Variants in HOXC5 observed in about 807,000 individuals in gnomAD.
The protein encoded by HOXC5 is homeobox C5, also known as homeobox protein Hox-C5.
A neutral mutation model predicts 20.1 loss-of-function variants in HOXC5; 19 were observed. The ratio of observed to expected loss-of-function variants is 0.94; its 90% CI spans 0.66 to 1.38. The LOEUF (loss-of-function observed/expected upper bound fraction) is 1.38. Among genes scored for constraint, HOXC5 ranks in the 40% most tolerant of loss-of-function variants. The probability of loss-of-function intolerance (pLI) is 0.00; values close to 1 mark genes in which losing one functional copy is unlikely to be tolerated. For synonymous variants in HOXC5, 124 were observed against 117.0 expected, an observed-to-expected ratio of 1.06 and a Z score of -0.39; for missense variants, 330 against 300.1, an observed-to-expected ratio of 1.10 and a Z score of -0.74.
At chr12:54,019,177 A>AC in the HOXC5 span, among the ~76,000 whole-genome samples, 23 of 55,096 alleles carry the variant, frequency 4.2e-4, no homozygotes, top group Admixed American at 3.6e-3. Flanking sequence ...CCCCTCCCCC[A>AC]CCCCCCCACC....
At chr12:54,025,509 T>G in the HOXC5 span, among the ~76,000 whole-genome samples, 13 of 124,192 alleles carry the variant, frequency 1.0e-4, no homozygotes, top group Non-Finnish European at 2.2e-4. Context: ...TCTTCTTTCC[T>G]CAGGAATGAA....
chr12:54,029,792 C>T (rs139697680), upstream of HOXC5: 63 of 1,613,966 alleles, frequency 3.9e-5, no homozygotes, highest in Non-Finnish European at 4.8e-5. Flanking sequence ...CGCGCTTTGC[C>T]TGACCGAGCG....
At chr12:54,025,136 G>C in the HOXC5 span, among the ~76,000 whole-genome samples, 1 of 151,926 alleles carries the variant, frequency 6.6e-6, no homozygotes, top group East Asian at 1.9e-4. Flanking sequence ...CTTTAGGCTC[G>C]TTTTATAGAA....
chr12:54,029,933 G>A (rs201035626), upstream of HOXC5: 204 of 1,596,360 alleles, frequency 1.3e-4, no homozygotes, highest in Middle Eastern at 3.4e-4. Context: ...AAAGCGGGAA[G>A]AGACAGAAGA....
chr12:54,033,887 C>T (rs1941088367), intron 1 of HOXC5: 1 of 482,432 alleles, frequency 2.1e-6, no homozygotes, highest in Non-Finnish European at 3.9e-6. Context: ...CCCGCGGCTC[C>T]CTCCCTCCCT....
chr12:54,027,288 T>C, the HOXC5 span, among the ~76,000 whole-genome samples: 2 of 152,166 alleles, frequency 1.3e-5, no homozygotes, highest in African/African-American at 4.8e-5. Flanking sequence ...TTAGAACCCC[T>C]TTCTGAAGTC....
chr12:54,033,606 C>G (rs1272445680), intron 1 of HOXC5, 30 bp downstream of exon 1: 2 of 1,502,794 alleles, frequency 1.3e-6, no homozygotes. Context: ...TTTGCGCTCT[C>G]GGGTCCGCCT....
At position 54,034,652 on chromosome 12, in the gene HOXC5, T is replaced by G; in HGVS notation, c.*160T>G. 1.6e-6 allele frequency: 1 copy of G among 625,896 alleles called. No individual in the cohort carries two copies. 38.8% of individuals were successfully genotyped at this position (625,896 alleles called of 1,614,324 possible). On this transcript the variant is annotated 3_prime_UTR_variant, in exon 2 of 2. Coordinates refer to ENST00000312492, the MANE Select transcript of HOXC5 (RefSeq NM_018953.4). ...AAGCGCTTTTCCTTGGCATTCCGCA[T>G]CCCTACCGACCCAGGGTTCCCGCGG...
rs1565747216 is a variant in HOXC5 at position 54,035,305 on chromosome 12, T to G, written c.*813T>G. ...CTGTTGTCCAACTATTTATTGACTC[T>G]GGGTCCTTCCTGAAACTATATTTTG... On this transcript the variant is annotated 3_prime_UTR_variant, in exon 2 of 2. Transcript: ENST00000312492. 1 of 152,726 alleles carries G rather than the reference T, an allele frequency of 6.5e-6. No individual in the cohort carries two copies. The highest frequency in any genetic ancestry group is 1.5e-5 in the Non-Finnish European group (1 of 68,086). The allele number at this position is 152,726 out of a possible 1,614,324, so 9.5% of individuals were successfully genotyped here.
At chr12:54,019,039 T>G in the HOXC5 span, among the ~76,000 whole-genome samples, 1 of 152,026 alleles carries the variant, frequency 6.6e-6, no homozygotes, top group African/African-American at 2.4e-5. Flanking sequence ...GAGCTGACGG[T>G]GAATTTTATC....
rs1941053909 is a variant in HOXC5 at position 54,033,173 on chromosome 12, T to C, written c.51T>C (p.Pro17=). 1 of 1,614,226 alleles carries C rather than the reference T, an allele frequency of 6.2e-7. No homozygotes were observed. The highest frequency in any genetic ancestry group is 1.6e-4 in the Middle Eastern group (1 of 6,062). Residue 17 remains proline (P), a synonymous_variant, in exon 1 of 2, where the codon CCT becomes CCC. Coordinates refer to ENST00000312492, the MANE Select transcript of HOXC5 (RefSeq NM_018953.4). ...NSFYKQSPNI[P]AYNMQTCGNY... Reference sequence around the variant, plus strand: ...TCTATAAGCAGAGCCCCAATATCCCTGCCTATAACATGCAAACTTGTGGGA... The same window carrying C: ...TCTATAAGCAGAGCCCCAATATCCCCGCCTATAACATGCAAACTTGTGGGA...
rs774530116 is a variant in HOXC5, at chr12:54,033,256, T to C, written c.134T>C (p.Leu45Ser). ...AGGTACTGCTACGGCGGATTGGACTTAAGCATCACTTTCCCACCGCCTGCG... is the reference window on the plus strand; with the variant it reads ...AGGTACTGCTACGGCGGATTGGACTCAAGCATCACTTTCCCACCGCCTGCG... ...ASRYCYGGLD[L>S]SITFPPPAPS... Residue 45 changes from leucine (L) to serine (S), a missense_variant, in exon 1 of 2, where the codon TTA (leucine) becomes TCA (serine). Coordinates refer to ENST00000312492, the MANE Select transcript of HOXC5 (RefSeq NM_018953.4). 2.5e-6 allele frequency: 4 copies of C among 1,614,036 alleles called. No individual in the cohort carries two copies. The African/African-American group carries it at 5.3e-5, about 22-fold the overall frequency.
chr12:54,026,125 G>T, the HOXC5 span, among the ~76,000 whole-genome samples: 1 of 152,020 alleles, frequency 6.6e-6, no homozygotes, highest in East Asian at 1.9e-4. Context: ...TGAAATTGGA[G>T]GGGGGGACAG....
chr12:54,024,363 G>A, the HOXC5 span, among the ~76,000 whole-genome samples: 2 of 152,164 alleles, frequency 1.3e-5, no homozygotes, highest in Admixed American at 1.3e-4. Context: ...AGCCTCAGGA[G>A]GCACCGAGCT....
chr12:54,028,089 G>T (rs1415692471), upstream of HOXC5, among the ~76,000 whole-genome samples: 1 of 151,980 alleles, frequency 6.6e-6, no homozygotes, highest in Non-Finnish European at 1.5e-5. Flanking sequence ...AAACCAGATT[G>T]AAAATACAGG....
At position 54,034,260 on chromosome 12, in the gene HOXC5, G is replaced by A. The variant is rs1406144534; in HGVS notation, c.455-18G>A. The A allele has an allele frequency of 1.9e-6, 3 of 1,606,738 alleles. No individual in the cohort carries two copies. The highest frequency in any genetic ancestry group is 2.6e-6 in the Non-Finnish European group (3 of 1,175,090). ...GCTATTCACCCCTTCCTGGCTTGGG[G>A]TGGGGTTTATGTTCCAGAGACGGAC... On this transcript the variant is annotated intron_variant, in intron 1 of 1. Coordinates refer to ENST00000312492, the MANE Select transcript of HOXC5 (RefSeq NM_018953.4).
Position 54,033,121 on chromosome 12 carries a change from C to CCGCT in HOXC5, c.-1_1insGCTC. On this transcript the variant is annotated 5_prime_UTR_variant, in exon 1 of 2. Coordinates refer to ENST00000312492, the MANE Select transcript of HOXC5 (RefSeq NM_018953.4). ...CAGAAATTTTTTTGGGCCCTCCCCG[C>CCGCT]CATGAGCTCCTACGTAGCCAATTCA... The CCGCT allele has an allele frequency of 1.3e-6, 2 of 1,597,306 alleles. No individual in the cohort carries two copies. The highest frequency in any genetic ancestry group is 1.7e-6 in the Non-Finnish European group (2 of 1,166,644).
At chr12:54,022,298 TCTC>T in the HOXC5 span, 1 of 152,090 alleles carries the variant, frequency 6.6e-6, no homozygotes, top group Non-Finnish European at 1.5e-5. Flanking sequence ...CCACACTCCC[TCTC>T]CTCAGCCCCC....
At chr12:54,028,724 G>A (rs770006440), upstream of HOXC5, 1 of 1,614,116 alleles carries the variant, frequency 6.2e-7, no homozygotes, top group Non-Finnish European at 8.5e-7. Flanking sequence ...TCCAGCCGGG[G>A]GCCGTATGAC....
Sources: gnomAD v4.1 joint callset for allele counts (sites outside exome capture counted in the v4.1 genomes callset) on GRCh38, gnomAD v4.1.1 for gene constraint, MANE v1.5 for transcripts, NCBI Gene and HGNC (gene_info 2026-07-23, HGNC 2026-07-21) for gene names.